The following SSPN variants were observed in gnomAD, a reference collection of about 807,000 sequenced individuals.
SSPN encodes the protein K-ras oncogene-associated protein.
In SSPN, 15 loss-of-function variants were observed where a neutral mutation model predicts 19.1. The ratio of observed to expected loss-of-function variants is 0.78; its 90% CI spans 0.52 to 1.21. SSPN has a LOEUF of 1.21. SSPN is among the 50% of genes most tolerant of loss of function. The pLI is 0.00. For synonymous variants in SSPN, 147 were observed against 140.3 expected (o/e 1.05, Z -0.34); for missense variants, 291 against 314.0 (o/e 0.93, Z 0.55).
At chr12:26,224,104 T>C (rs972258384) in intron 1 of SSPN, among the ~76,000 whole-genome samples, 189 bp from the exon 2 acceptor site, 1 of 152,170 alleles carries the variant, frequency 6.6e-6, no homozygotes, top group Non-Finnish European at 1.5e-5. Flanking sequence ...TAAGTGGAAA[T>C]CAATTGATTT....
chr12:26,189,712 C>A (rs905495160), intron 1 of SSPN, among the ~76,000 whole-genome samples: 17 of 152,144 alleles, frequency 1.1e-4, no homozygotes, highest in African/African-American at 3.9e-4. Flanking sequence ...TATTCTCCTC[C>A]TTTTTCACCT....
intron 1 of SSPN, chr12:26,124,942 C>G (rs375859838): frequency 1.6e-5 from 12 of 740,868 alleles, no homozygotes; most frequent in Admixed American, 7.9e-5. Context: ...GTTGGTCCCC[C>G]CCCTCCACCG....
At chr12:26,201,629 G>A (rs1031099755) in intron 1 of SSPN, among the ~76,000 whole-genome samples, 8 of 151,834 alleles carry the variant, frequency 5.3e-5, no homozygotes, top group African/African-American at 1.9e-4. Flanking sequence ...AGGAGAAGCA[G>A]CAGGTTCTAA....
intron 2 of SSPN, among the ~76,000 whole-genome samples, chr12:26,227,794 C>T (rs956928639): frequency 6.6e-6 from 1 of 152,176 alleles, no homozygotes; most frequent in African/African-American, 2.4e-5. Context: ...AGTACAGGTG[C>T]ACAGGGATTG....
At chr12:26,173,857 T>C (rs1450441651) in intron 1 of SSPN, among the ~76,000 whole-genome samples, 1 of 152,262 alleles carries the variant, frequency 6.6e-6, no homozygotes, top group African/African-American at 2.4e-5. Context: ...TGATTAAACT[T>C]AAATAGTGTC....
At chr12:26,124,842 C>A (rs1258354034) in intron 1 of SSPN, 4 of 1,554,058 alleles carry the variant, frequency 2.6e-6, no homozygotes, top group African/African-American at 2.7e-5. Flanking sequence ...ATCTGTGGGA[C>A]GGTAGGCTTG....
At chr12:26,128,714 G>T (rs1400614141) in intron 1 of SSPN, among the ~76,000 whole-genome samples, 2 of 152,182 alleles carry the variant, frequency 1.3e-5, no homozygotes, top group Non-Finnish European at 2.9e-5. Context: ...GATACAAGAT[G>T]AGCTCAAAGC....
chr12:26,122,167 G>C, intron 1 of SSPN: 1 of 1,534,834 alleles, frequency 6.5e-7, no homozygotes, highest in African/African-American at 1.4e-5. Context: ...GTGCGGCCGT[G>C]CGGGTGCTGG....
At chr12:26,153,786 C>T (rs966517326) in intron 1 of SSPN, among the ~76,000 whole-genome samples, 1 of 152,136 alleles carries the variant, frequency 6.6e-6, no homozygotes, top group African/African-American at 2.4e-5. Context: ...AGCTGATATC[C>T]CAGTGGTCCC....
At chr12:26,209,307 TA>T (rs1220198193) in intron 1 of SSPN, among the ~76,000 whole-genome samples, 2 of 152,170 alleles carry the variant, frequency 1.3e-5, no homozygotes, top group Non-Finnish European at 2.9e-5. Context: ...CCAATCTTCA[TA>T]AACAGTTCTT....
upstream of SSPN, among the ~76,000 whole-genome samples, chr12:26,191,267 AAATAGGTGAAATGCATGATTAAATGAT>A (rs1360608773): frequency 6.6e-6 from 1 of 152,220 alleles, no homozygotes; most frequent in Non-Finnish European, 1.5e-5. Context: ...AGCACCTTAA[AAATAGGTGAAATGCATGATTAAATGAT>A]TGAAATTTAT....
chr12:26,170,157 C>T (rs933565627), intron 1 of SSPN, among the ~76,000 whole-genome samples: 4 of 152,254 alleles, frequency 2.6e-5, no homozygotes, highest in African/African-American at 4.8e-5. Context: ...TCAACAATTA[C>T]GGGGACTCAT....
At chr12:26,162,499 A>G (rs993827964) in intron 1 of SSPN, among the ~76,000 whole-genome samples, 3 of 152,220 alleles carry the variant, frequency 2.0e-5, no homozygotes, top group Non-Finnish European at 4.4e-5. Context: ...ATAACTGGTT[A>G]CTAGAGATCT....
At chr12:26,130,513 T>A (rs1287883915) in intron 1 of SSPN, among the ~76,000 whole-genome samples, 1 of 152,204 alleles carries the variant, frequency 6.6e-6, no homozygotes, top group Non-Finnish European at 1.5e-5. Context: ...GGTATAAAAC[T>A]TTTTATTTAA....
At chr12:26,124,415 C>T in intron 1 of SSPN, 2 of 1,306,264 alleles carry the variant, frequency 1.5e-6, no homozygotes, top group African/African-American at 1.5e-5. Context: ...GTTGGGGAAG[C>T]TCAGGGGCTG....
chr12:26,229,887 A>G (rs1278161968), intron 2 of SSPN, among the ~76,000 whole-genome samples: 2 of 152,208 alleles, frequency 1.3e-5, no homozygotes, highest in Non-Finnish European at 2.9e-5. Flanking sequence ...TTTGCTCAGA[A>G]TATTTTAGGT....
intron 1 of SSPN, among the ~76,000 whole-genome samples, chr12:26,211,949 A>T (rs916964390): frequency 6.6e-6 from 1 of 152,212 alleles, no homozygotes; most frequent in East Asian, 1.9e-4. Flanking sequence ...GGCTTGGCAC[A>T]TAAGTATTCC....
At chr12:26,137,187 A>G (rs1414548775) in intron 1 of SSPN, among the ~76,000 whole-genome samples, 2 of 152,222 alleles carry the variant, frequency 1.3e-5, no homozygotes. Flanking sequence ...ACTGCGGCAC[A>G]GGTTAAGTAA....
intron 1 of SSPN, among the ~76,000 whole-genome samples, chr12:26,176,001 T>C (rs1944681577): frequency 6.6e-6 from 1 of 152,146 alleles, no homozygotes. Flanking sequence ...CACGTCTGGC[T>C]AATTTTTGTA....
Sources: gnomAD v4.1 joint callset for allele counts (sites outside exome capture counted in the v4.1 genomes callset) on GRCh38, gnomAD v4.1.1 for gene constraint, MANE v1.5 for transcripts, NCBI Gene and HGNC (gene_info 2026-07-23, HGNC 2026-07-21) for gene names.